SLC24A5: variants seen among roughly 807,000 people sequenced by gnomAD.
The protein encoded by SLC24A5 is solute carrier family 24 member 5, also known as sodium/potassium/calcium exchanger 5.
Under a neutral mutation model 51.6 loss-of-function variants are expected in SLC24A5, and 46 were observed. The ratio of observed to expected loss-of-function variants is 0.89; its 90% CI spans 0.70 to 1.14. The LOEUF is 1.14. SLC24A5 is among the 50% of genes most tolerant of loss of function. SLC24A5 has a pLI of 0.00. For missense variants in SLC24A5, 581 were observed against 604.1 expected, an observed-to-expected ratio of 0.96 and a Z score of 0.40; for synonymous variants, 230 against 214.9, an observed-to-expected ratio of 1.07 and a Z score of -0.62.
chr15:48,134,622 G>A, intron 4 of SLC24A5, 84 bp downstream of exon 4: 2 of 1,022,932 alleles, frequency 2.0e-6, no homozygotes, highest in South Asian at 2.9e-5. Flanking sequence ...GGACAACAGG[G>A]CACTAATAAT....
Position 48,136,816 on chromosome 15 carries a change from A to G in SLC24A5, c.724A>G (p.Ser242Gly), listed in dbSNP as rs1200532266. Residue 242 changes from serine (S) to glycine (G), a missense_variant, in exon 6 of 9, where the codon AGT (serine) becomes GGT (glycine). Transcript: ENST00000341459. The stretch of plus-strand genomic sequence containing the variant: ...CTGTCTTGCCAAAGCTATGGAGAGA[A>G]GTGAACAACAGCCACTGATGGGCTG... ...CACLAKAMER[S>G]EQQPLMGWED... 3 of 1,613,864 alleles carry G rather than the reference A, an allele frequency of 1.9e-6. No individual in the cohort carries two copies. The highest frequency in any genetic ancestry group is 2.5e-6 in the Non-Finnish European group (3 of 1,179,840).
At chr15:48,129,366 A>G (rs2038765568) in intron 2 of SLC24A5, among the ~76,000 whole-genome samples, 1 of 152,146 alleles carries the variant, frequency 6.6e-6, no homozygotes, top group Non-Finnish European at 1.5e-5. Flanking sequence ...TTTCAGAACC[A>G]GTTTTGCAAA....
chr15:48,129,289 A>G (rs1191008869), intron 2 of SLC24A5, among the ~76,000 whole-genome samples: 2 of 152,160 alleles, frequency 1.3e-5, no homozygotes, highest in Non-Finnish European at 2.9e-5. Flanking sequence ...CCTGACTCTC[A>G]GTAACTATTT....
At chr15:48,128,955 G>T (rs1412685841) in intron 2 of SLC24A5, among the ~76,000 whole-genome samples, 1 of 152,130 alleles carries the variant, frequency 6.6e-6, no homozygotes, top group African/African-American at 2.4e-5. Flanking sequence ...TCCTACCTCT[G>T]CATTTATTAC....
intron 8 of SLC24A5, 64 bp from the exon 9 acceptor site, chr15:48,141,965 T>C: frequency 2.5e-6 from 3 of 1,203,886 alleles, no homozygotes; most frequent in South Asian, 4.2e-5. Flanking sequence ...TCTTTTCTTA[T>C]GAAGATTATT....
intron 2 of SLC24A5, among the ~76,000 whole-genome samples, chr15:48,129,553 A>G (rs2038767905): frequency 6.6e-6 from 1 of 152,118 alleles, no homozygotes; most frequent in African/African-American, 2.4e-5. Context: ...ATGATGCCAC[A>G]GGACGCCAAA....
At chr15:48,132,233 CA>C (rs1489181650) in intron 2 of SLC24A5, among the ~76,000 whole-genome samples, 2 of 152,136 alleles carry the variant, frequency 1.3e-5, no homozygotes, top group Non-Finnish European at 2.9e-5. Flanking sequence ...CCCAGGCATA[CA>C]AATGACTCAT....
intron 7 of SLC24A5, 70 bp from the exon 8 acceptor site, chr15:48,141,043 T>C (rs2039062860): frequency 1.6e-6 from 2 of 1,273,344 alleles, no homozygotes; most frequent in African/African-American, 1.5e-5. Flanking sequence ...GAAGGAAATA[T>C]CCAAAATAAC....
At chr15:48,126,331 T>C (rs1052019235) in intron 2 of SLC24A5, among the ~76,000 whole-genome samples, 1 of 152,218 alleles carries the variant, frequency 6.6e-6, no homozygotes, top group African/African-American at 2.4e-5. Flanking sequence ...TATGCCCCCT[T>C]CCTGTAATCC....
intron 2 of SLC24A5, among the ~76,000 whole-genome samples, chr15:48,126,993 A>T (rs1567221218): frequency 6.6e-6 from 1 of 152,166 alleles, no homozygotes; most frequent in Non-Finnish European, 1.5e-5. Context: ...CACAGCCGTC[A>T]TATGCTCTAG....
intron 2 of SLC24A5, among the ~76,000 whole-genome samples, chr15:48,125,119 A>C (rs903762941): frequency 1.3e-5 from 2 of 152,116 alleles, no homozygotes; most frequent in African/African-American, 4.8e-5. Flanking sequence ...TTGAGTCATA[A>C]TAGTTCCACC....
intron 5 of SLC24A5, chr15:48,135,753 C>G (rs1360162741): frequency 6.6e-6 from 1 of 151,984 alleles, no homozygotes; most frequent in Non-Finnish European, 1.5e-5. Flanking sequence ...GAACCATAAC[C>G]TTGCAGCACG....
chr15:48,125,270 GT>G (rs2038719487), intron 2 of SLC24A5, among the ~76,000 whole-genome samples: 1 of 148,932 alleles, frequency 6.7e-6, no homozygotes, highest in South Asian at 2.1e-4. Flanking sequence ...ATAATATATG[GT>G]TTATATAATA....
intron 2 of SLC24A5, among the ~76,000 whole-genome samples, chr15:48,133,081 TAAGGA>T (rs1294247884): frequency 6.6e-6 from 1 of 151,854 alleles, no homozygotes; most frequent in Non-Finnish European, 1.5e-5. Context: ...GAGACAAGAA[TAAGGA>T]AATACCAACC....
chr15:48,121,794 C>G, intron 1 of SLC24A5, 63 bp from the exon 2 acceptor site: 1 of 1,525,298 alleles, frequency 6.6e-7, no homozygotes, highest in Non-Finnish European at 9.0e-7. Context: ...TAAGGAAGCT[C>G]TCTGTGGGCT....
At chr15:48,121,728 A>T in intron 1 of SLC24A5, 129 bp from the exon 2 acceptor site, 1 of 945,330 alleles carries the variant, frequency 1.1e-6, no homozygotes, top group Non-Finnish European at 1.6e-6. Flanking sequence ...AGCGCTTTAT[A>T]CATTTTCAGT....
chr15:48,129,678 C>T (rs2038769191), intron 2 of SLC24A5, among the ~76,000 whole-genome samples: 1 of 151,766 alleles, frequency 6.6e-6, no homozygotes, highest in Non-Finnish European at 1.5e-5. Flanking sequence ...CTCTATTTTT[C>T]CCCTTCATCG....
intron 1 of SLC24A5, 98 bp from the exon 2 acceptor site, chr15:48,121,759 G>C: frequency 8.1e-7 from 1 of 1,236,482 alleles, no homozygotes; most frequent in South Asian, 1.4e-5. Flanking sequence ...AATTCCACCC[G>C]GTTACCCCAC....
chr15:48,141,241 A>G (rs1567233323), intron 8 of SLC24A5, 27 bp downstream of exon 8: 2 of 1,521,384 alleles, frequency 1.3e-6, no homozygotes, highest in South Asian at 1.1e-5. Flanking sequence ...TCAAGCTGCA[A>G]TGGTCATTCT....
Sources: gnomAD v4.1 joint callset for allele counts (sites outside exome capture counted in the v4.1 genomes callset) on GRCh38, gnomAD v4.1.1 for gene constraint, MANE v1.5 for transcripts, NCBI Gene and HGNC (gene_info 2026-07-23, HGNC 2026-07-21) for gene names.